PICALM: variants seen among roughly 807,000 people sequenced by gnomAD.
PICALM encodes phosphatidylinositol binding clathrin assembly protein.
PICALM carries 40 observed loss-of-function variants against 80.5 expected under a neutral mutation model. The ratio of observed to expected loss-of-function variants is 0.50; its 90% CI spans 0.39 to 0.65. The LOEUF is 0.65. Ranked by LOEUF, PICALM falls within the 30% of genes least tolerant of loss-of-function variation. The pLI is 0.00. For missense variants in PICALM, 676 were observed against 778.9 expected (o/e 0.87, Z 1.57); for synonymous variants, 288 against 260.3 (o/e 1.11, Z -1.02).
chr11:85,967,505 T>C (rs569809301), intron 19 of PICALM, among the ~76,000 whole-genome samples: 87 of 152,344 alleles, frequency 5.7e-4, no homozygotes, highest in African/African-American at 2.1e-3. Flanking sequence ...GATTCAGGTG[T>C]GTGTACTAGG....
chr11:86,040,865 G>A (rs565006366), intron 1 of PICALM, among the ~76,000 whole-genome samples: 1 of 152,244 alleles, frequency 6.6e-6, no homozygotes, highest in Non-Finnish European at 1.5e-5. Flanking sequence ...CAAATACTTA[G>A]ATATACAAAG....
At chr11:85,998,431 GAAC>G (rs1220026644) in intron 11 of PICALM, among the ~76,000 whole-genome samples, 1 of 151,344 alleles carries the variant, frequency 6.6e-6, no homozygotes, top group Non-Finnish European at 1.5e-5. Flanking sequence ...TGATTTTAAT[GAAC>G]AACTCAAAAC....
intron 1 of PICALM, among the ~76,000 whole-genome samples, chr11:86,066,027 T>G (rs1168420326): frequency 6.6e-6 from 1 of 152,140 alleles, no homozygotes; most frequent in East Asian, 1.9e-4. Flanking sequence ...GCTAGGGGCA[T>G]TAAAAGGTGC....
At chr11:85,993,092 T>G (rs941183323) in intron 12 of PICALM, among the ~76,000 whole-genome samples, 3 of 152,154 alleles carry the variant, frequency 2.0e-5, no homozygotes, top group African/African-American at 7.2e-5. Context: ...TAAAGTTTTT[T>G]TTTTTTTTTT....
chr11:86,037,938 T>C (rs1002779918), intron 1 of PICALM, among the ~76,000 whole-genome samples: 1 of 152,224 alleles, frequency 6.6e-6, no homozygotes, highest in African/African-American at 2.4e-5. Context: ...CCACACCCTT[T>C]AGAACGTTAT....
chr11:85,968,175 TAGTC>T (rs1241579414), intron 19 of PICALM, among the ~76,000 whole-genome samples: 1 of 152,014 alleles, frequency 6.6e-6, no homozygotes, highest in African/African-American at 2.4e-5. Flanking sequence ...AATTAAAAAT[TAGTC>T]AGGCATTGTG....
At chr11:86,005,368 T>C (rs1420470486) in intron 8 of PICALM, among the ~76,000 whole-genome samples, 1 of 152,128 alleles carries the variant, frequency 6.6e-6, no homozygotes, top group Admixed American at 6.5e-5. Flanking sequence ...CCCTTCTAAA[T>C]ATATCTGGCT....
chr11:85,976,029 G>C (rs528315798), intron 18 of PICALM, among the ~76,000 whole-genome samples: 52 of 152,270 alleles, frequency 3.4e-4, no homozygotes, highest in African/African-American at 1.3e-3. Context: ...CAAGGGACAC[G>C]GTACTGCCTT....
At chr11:86,008,828 C>A (rs1048017425) in intron 7 of PICALM, among the ~76,000 whole-genome samples, 8 of 151,396 alleles carry the variant, frequency 5.3e-5, no homozygotes, top group Admixed American at 5.3e-4. Flanking sequence ...CGGTGGCTCA[C>A]GCCTGTAATC....
At chr11:86,062,551 C>T (rs1333685596) in intron 1 of PICALM, among the ~76,000 whole-genome samples, 1 of 151,678 alleles carries the variant, frequency 6.6e-6, no homozygotes, top group South Asian at 2.1e-4. Flanking sequence ...AAACCATGGA[C>T]TTTGGGTGGT....
intron 5 of PICALM, among the ~76,000 whole-genome samples, chr11:86,014,243 T>TA (rs1468447792): frequency 2.6e-5 from 4 of 152,206 alleles, no homozygotes. Context: ...TTCCATTCAC[T>TA]AACTTGCACT....
At chr11:85,968,791 C>G (rs1254093775) in intron 19 of PICALM, among the ~76,000 whole-genome samples, 1 of 151,934 alleles carries the variant, frequency 6.6e-6, no homozygotes. Flanking sequence ...CCACAAGGAC[C>G]TAGAATTTAT....
At chr11:86,012,755 T>C (rs2095420014) in intron 5 of PICALM, among the ~76,000 whole-genome samples, 1 of 151,554 alleles carries the variant, frequency 6.6e-6, no homozygotes, top group African/African-American at 2.4e-5. Flanking sequence ...AAGCACAAAA[T>C]TGAATGGCAA....
At position 85,986,581 on chromosome 11, in the gene PICALM, G is replaced by A. The variant is rs867415098; in HGVS notation, c.1409-2608C>T. Among the ~76,000 whole-genome samples the A allele has an allele frequency of 5.8e-3, 882 of 150,804 alleles. 9 individuals are homozygous for A. Among genetic ancestry groups the A allele is most frequent in the African/African-American group, 0.02 (814 of 41,074 alleles). ...AATTTTTTGTATTTTTAGTAGAGAC[G>A]GGGTTTCACCTTGTTAGCCAGGATG... On this transcript the variant is annotated intron_variant, in intron 13 of 19. Transcript: ENST00000393346.
At chr11:85,968,469 G>A (rs1214796500) in intron 19 of PICALM, among the ~76,000 whole-genome samples, 1 of 152,076 alleles carries the variant, frequency 6.6e-6, no homozygotes, top group African/African-American at 2.4e-5. Flanking sequence ...AACAACCCTT[G>A]TCACCCCCAA....
intron 18 of PICALM, among the ~76,000 whole-genome samples, chr11:85,975,077 A>C (rs1373251192): frequency 6.6e-6 from 1 of 152,228 alleles, no homozygotes; most frequent in Non-Finnish European, 1.5e-5. Flanking sequence ...CAAAATGTAA[A>C]CTTTATTGTA....
At chr11:86,030,502 G>A (rs565983508) in intron 2 of PICALM, among the ~76,000 whole-genome samples, 39 of 152,012 alleles carry the variant, frequency 2.6e-4, no homozygotes, top group African/African-American at 9.0e-4. Context: ...TACCGAAGAA[G>A]ATTTATCTAG....
At chr11:86,016,951 T>C (rs567160591) in intron 4 of PICALM, among the ~76,000 whole-genome samples, 29 of 152,246 alleles carry the variant, frequency 1.9e-4, no homozygotes, top group South Asian at 1.9e-3. Flanking sequence ...GCTGGGCGCG[T>C]TGGCTCACGC....
intron 19 of PICALM, among the ~76,000 whole-genome samples, chr11:85,961,989 C>T (rs1422657869): frequency 1.3e-5 from 2 of 152,098 alleles, no homozygotes; most frequent in Non-Finnish European, 1.5e-5. Flanking sequence ...AATTTATAGG[C>T]ATCAGTTATA....
Sources: allele counts gnomAD v4.1 joint callset (sites outside exome capture counted in the v4.1 genomes callset), GRCh38; gene constraint gnomAD v4.1.1; transcripts MANE v1.5; gene names NCBI Gene and HGNC (gene_info 2026-07-23, HGNC 2026-07-21).